Variants in TMEM107 observed in about 807,000 individuals in gnomAD.
TMEM107 encodes transmembrane protein 107.
A neutral mutation model predicts 16.8 loss-of-function variants in TMEM107; 18 were observed. The ratio of observed to expected loss-of-function variants is 1.07; its 90% CI spans 0.74 to 1.59. The LOEUF is 1.59. TMEM107 is among the 40% of genes most tolerant of loss of function. The pLI is 0.00. For synonymous variants in TMEM107, 68 were observed against 71.6 expected (o/e 0.95, Z 0.25); for missense variants, 152 against 175.4 (o/e 0.87, Z 0.75).
Position 8,174,327 on chromosome 17 carries a change from C to T in TMEM107, c.354-55G>A, listed in dbSNP as rs527418175. 16 of 1,539,090 alleles carry T rather than the reference C, an allele frequency of 1.0e-5. No individual in the cohort carries two copies. In the South Asian group the frequency reaches 1.7e-4, roughly 16 times the overall value. On this transcript the variant is annotated intron_variant, in intron 4 of 4. Transcript: ENST00000437139. The stretch of plus-strand genomic sequence containing the variant: ...CCTTTCAGTATAAATACCCAAATCT[C>T]CAAACCAGAGACCCCACCTCTGAAA...
In TMEM107 at chr17:8,175,788, G is replaced by A. The variant is rs1484884369; in HGVS notation, c.225C>T (p.Val75=). 6.2e-7 allele frequency: 1 copy of A among 1,614,202 alleles called. No homozygotes were observed. The highest frequency in any genetic ancestry group is 1.7e-5 in the Admixed American group (1 of 60,028). The change falls in exon 3 of 5, where the codon GTC becomes GTT. Residue 75 remains valine, a synonymous_variant. Transcript: ENST00000437139. ...AVELAGFLSG[V]SMFNSTQSLI... is the part of the protein sequence containing the mutation. ...GGCTCTGGGTGCTGTTGAACATGGA[G>A]ACTCCTGAGAGGAAACCGGCCAGCT...
intron 1 of TMEM107, 35 bp from the exon 2 acceptor site, chr17:8,176,061 G>C (rs1984107995): frequency 6.2e-7 from 1 of 1,613,820 alleles, no homozygotes; most frequent in Non-Finnish European, 8.5e-7. Flanking sequence ...AGTGAAAAAG[G>C]GGCAGGCTGC....
chr17:8,172,855 C>CAAA lies in TMEM107; in HGVS notation c.*1345_*1347dup, dbSNP rs143415092. Among the ~76,000 whole-genome samples the CAAA allele has an allele frequency of 0.25, 10,968 of 44,200 alleles. 821 individuals carry two copies. Among genetic ancestry groups the CAAA allele is most frequent in the Non-Finnish European group, 0.34 (6,643 of 19,698 alleles). The allele number at this position is 44,200 out of a possible 152,430, so 29.0% of individuals were successfully genotyped here. ...CCTGGGCAACAGAGTGAGACTGTCT[C>CAAA]AAAAAAAAAAAAAAAAAAAACCAAA... On this transcript the variant is annotated 3_prime_UTR_variant, in exon 5 of 5. Coordinates refer to ENST00000437139, the MANE Select transcript of TMEM107 (RefSeq NM_183065.4).
rs1224772399 is a variant in TMEM107, at chr17:8,173,578, C to CACCTGACGATACAGACA, written c.*608_*624dup. ...GAGGAGGAACAGGTAAGGATTATCC[C>CACCTGACGATACAGACA]ACCTGACGATACAGACAAACAGCCG... On this transcript the variant is annotated 3_prime_UTR_variant, in exon 5 of 5. Transcript: ENST00000437139. 3.9e-6 allele frequency: 3 copies of CACCTGACGATACAGACA among 764,408 alleles called. No individual in the cohort carries two copies. The African/African-American group carries it at 5.1e-5, about 13-fold the overall frequency. 47.4% of individuals were successfully genotyped at this position (764,408 alleles called of 1,614,324 possible). A position where few individuals can be genotyped will look rare whatever the true frequency, so the allele number is the denominator to read the frequency against.
chr17:8,173,350 G>A lies in TMEM107; in HGVS notation c.*853C>T, dbSNP rs866091800. ...ATAGACAAACAGCAATAGCAAGACT[G>A]CAAAATAGACAAACAGCAAGGTTAT... is the stretch of plus-strand genomic sequence containing the variant. On this transcript the variant is annotated 3_prime_UTR_variant, in exon 5 of 5. Transcript: ENST00000437139. The A allele has an allele frequency of 6.4e-5, 39 of 608,242 alleles. No individual in the cohort carries two copies. Among genetic ancestry groups the A allele is most frequent in the Middle Eastern group, 8.9e-4 (2 of 2,252 alleles). 37.7% of individuals were successfully genotyped at this position (608,242 alleles called of 1,614,324 possible).
In TMEM107 at chr17:8,172,855, C is replaced by CAA. The variant is rs143415092; in HGVS notation, c.*1346_*1347dup. On this transcript the variant is annotated 3_prime_UTR_variant, in exon 5 of 5. Transcript: ENST00000437139. Reference sequence around the variant, plus strand: ...CCTGGGCAACAGAGTGAGACTGTCTCAAAAAAAAAAAAAAAAAAAACCAAA... The same window carrying CAA: ...CCTGGGCAACAGAGTGAGACTGTCTCAAAAAAAAAAAAAAAAAAAAAACCAAA... Among the ~76,000 whole-genome samples the CAA allele has an allele frequency of 0.051, 2,273 of 44,698 alleles. 120 individuals are homozygous for CAA. Among genetic ancestry groups the CAA allele is most frequent in the African/African-American group, 0.1 (1,507 of 14,886 alleles). 29.3% of individuals were successfully genotyped at this position (44,698 alleles called of 152,430 possible).
intron 3 of TMEM107, chr17:8,175,335 G>C (rs1221652183): frequency 3.2e-6 from 1 of 308,882 alleles, no homozygotes; most frequent in Non-Finnish European, 6.2e-6. Flanking sequence ...CCAAAGTGCT[G>C]GGATTACATG....
rs1054470914 is a variant in TMEM107 at position 8,173,809 on chromosome 17, T to C, written c.*394A>G. On this transcript the variant is annotated 3_prime_UTR_variant, in exon 5 of 5. Transcript: ENST00000437139. ...GCTCCGATCAGTTACGTGCCGGACG[T>C]TCTAACTGTACGCACTTTCTATTTA... 6.2e-5 allele frequency: 32 copies of C among 514,662 alleles called. 1 individual carries two copies. Among genetic ancestry groups the C allele is most frequent in the African/African-American group, 2.5e-4 (13 of 51,620 alleles). 31.9% of individuals were successfully genotyped at this position (514,662 alleles called of 1,614,324 possible).
At chr17:8,174,305 T>C (rs1309111424) in intron 4 of TMEM107, 33 bp from the exon 5 acceptor site, 1 of 1,596,310 alleles carries the variant, frequency 6.3e-7, no homozygotes, top group Non-Finnish European at 8.6e-7. Flanking sequence ...CAGAAACCCT[T>C]TCAGTATAAA....
rs186410337 is a variant in TMEM107 at position 8,173,519 on chromosome 17, C to A, written c.*684G>T. The A allele has an allele frequency of 2.6e-6, 2 of 765,372 alleles. No individual in the cohort carries two copies. The highest frequency in any genetic ancestry group is 1.3e-5 in the South Asian group (1 of 74,608). 47.4% of individuals were successfully genotyped at this position (765,372 alleles called of 1,614,324 possible). On this transcript the variant is annotated 3_prime_UTR_variant, in exon 5 of 5. Coordinates refer to ENST00000437139, the MANE Select transcript of TMEM107 (RefSeq NM_183065.4). The stretch of plus-strand genomic sequence containing the variant: ...GCAGAGACGTTAATCACGTTTCATG[C>A]ATCTCCAATCATCATGTTCTAATCT...
intron 4 of TMEM107, 39 bp downstream of exon 4, chr17:8,174,481 C>G (rs755373105): frequency 8.8e-6 from 14 of 1,598,414 alleles, no homozygotes; most frequent in Non-Finnish European, 1.2e-5. Flanking sequence ...TTAGGGCCAA[C>G]CTTCCTCCCT....
rs116395281 is a variant in TMEM107 at position 8,173,443 on chromosome 17, C to G, written c.*760G>C. ...TCAGCATAACACAAATGTAAGTGAT[C>G]GTCAGAAAGAATCAGACAGGAGCAA... On this transcript the variant is annotated 3_prime_UTR_variant, in exon 5 of 5. Transcript: ENST00000437139. The G allele has an allele frequency of 1.0e-4, 77 of 761,450 alleles. No individual in the cohort carries two copies. The highest frequency in any genetic ancestry group is 2.0e-4 in the African/African-American group (12 of 59,170). 47.2% of individuals were successfully genotyped at this position (761,450 alleles called of 1,614,324 possible).
rs557609856 is a variant in TMEM107 at position 8,176,357 on chromosome 17, G to A, written c.-71C>T. 5 of 1,285,042 alleles carry A rather than the reference G, an allele frequency of 3.9e-6. No homozygotes were observed. The South Asian group carries it at 5.2e-5, about 13-fold the overall frequency. 79.6% of individuals were successfully genotyped at this position (1,285,042 alleles called of 1,614,324 possible). On this transcript the variant is annotated 5_prime_UTR_variant, in exon 1 of 5. Coordinates refer to ENST00000437139, the MANE Select transcript of TMEM107 (RefSeq NM_183065.4). ...AGACAGCGACTCCTGAAGTCTCCCC[G>A]CAAGCCGACAAATCTAGACGAACGC...
At chr17:8,174,469 G>A in intron 4 of TMEM107, 51 bp downstream of exon 4, 2 of 1,575,478 alleles carry the variant, frequency 1.3e-6, no homozygotes, top group South Asian at 1.1e-5. Flanking sequence ...AAACCTTCAG[G>A]TTTAGGGCCA....
chr17:8,173,717 C>G lies in TMEM107; in HGVS notation c.*486G>C, dbSNP rs567524252. ...TTCCAGTTGTTTTGCCATATTAGCT[C>G]GCACATTTTTTTAAATTTTTTTTTC... On this transcript the variant is annotated 3_prime_UTR_variant, in exon 5 of 5. Coordinates refer to ENST00000437139, the MANE Select transcript of TMEM107 (RefSeq NM_183065.4). 6 of 568,742 alleles carry G rather than the reference C, an allele frequency of 1.1e-5. No individual in the cohort carries two copies. The highest frequency in any genetic ancestry group is 3.8e-5 in the African/African-American group (2 of 52,632). The allele number at this position is 568,742 out of a possible 1,614,324, so 35.2% of individuals were successfully genotyped here.
At position 8,173,268 on chromosome 17, in the gene TMEM107, A is replaced by C. The variant is rs1048477628; in HGVS notation, c.*935T>G. The C allele has an allele frequency of 3.8e-6, 2 of 522,744 alleles. No individual in the cohort carries two copies. The highest frequency in any genetic ancestry group is 6.9e-6 in the Non-Finnish European group (2 of 291,604). 32.4% of individuals were successfully genotyped at this position (522,744 alleles called of 1,614,324 possible). A position where few individuals can be genotyped will look rare whatever the true frequency, so the allele number is the denominator to read the frequency against. The stretch of plus-strand genomic sequence containing the variant: ...TTATTTCACTGCCTAAATTCCAGAA[A>C]GCAACAAAAACCAAATCACAATTTT... On this transcript the variant is annotated 3_prime_UTR_variant, in exon 5 of 5. Coordinates refer to ENST00000437139, the MANE Select transcript of TMEM107 (RefSeq NM_183065.4).
In TMEM107 at chr17:8,173,559, G is replaced by A. The variant is rs9893295; in HGVS notation, c.*644C>T. 3.6e-3 allele frequency: 2,783 copies of A among 765,312 alleles called. 16 individuals are homozygous for A. Among genetic ancestry groups the A allele is most frequent in the South Asian group, 0.012 (873 of 74,592 alleles). 47.4% of individuals were successfully genotyped at this position (765,312 alleles called of 1,614,324 possible). ...TGTTCTAATCTGCCCTCCGGAGGAGGAACAGGTAAGGATTATCCCACCTGA... is the reference window on the plus strand; with the variant it reads ...TGTTCTAATCTGCCCTCCGGAGGAGAAACAGGTAAGGATTATCCCACCTGA... On this transcript the variant is annotated 3_prime_UTR_variant, in exon 5 of 5. Coordinates refer to ENST00000437139, the MANE Select transcript of TMEM107 (RefSeq NM_183065.4).
chr17:8,173,548 C>A lies in TMEM107; in HGVS notation c.*655G>T, dbSNP rs182078929. 3.9e-6 allele frequency: 3 copies of A among 765,368 alleles called. No individual in the cohort carries two copies. The highest frequency in any genetic ancestry group is 2.4e-5 in the East Asian group (1 of 41,252). The allele number at this position is 765,368 out of a possible 1,614,324, so 47.4% of individuals were successfully genotyped here. On this transcript the variant is annotated 3_prime_UTR_variant, in exon 5 of 5. Transcript: ENST00000437139. ...TCCAATCATCATGTTCTAATCTGCC[C>A]TCCGGAGGAGGAACAGGTAAGGATT...
Position 8,176,041 on chromosome 17 carries a change from C to A in TMEM107, c.88-15G>T. ...ATGTTGCTGTCCTGGGAGCAGGGCA[C>A]AGGAAGAGAAGTGAAAAAGGGGCAG... On this transcript the variant is annotated splice_polypyrimidine_tract_variant and intron_variant, in intron 1 of 4. Transcript: ENST00000437139. 1 of 1,614,072 alleles carries A rather than the reference C, an allele frequency of 6.2e-7. No homozygotes were observed. Among genetic ancestry groups the A allele is most frequent in the South Asian group, 1.1e-5 (1 of 91,080 alleles).
Sources: allele counts gnomAD v4.1 joint callset (sites outside exome capture counted in the v4.1 genomes callset), GRCh38; gene constraint gnomAD v4.1.1; transcripts MANE v1.5; gene names NCBI Gene and HGNC (gene_info 2026-07-23, HGNC 2026-07-21).